The following OR56A3 variants were observed in gnomAD, a reference collection of about 807,000 sequenced individuals.
OR56A3 encodes olfactory receptor family 56 subfamily A member 3.
OR56A3 carries 23 observed loss-of-function variants against 17.5 expected under a neutral mutation model. That is an observed-to-expected ratio of 1.32 (90% CI 0.95 to 1.87). The LOEUF (loss-of-function observed/expected upper bound fraction) is 1.87, where lower values mean the gene tolerates loss of function less well. Among genes scored for constraint, OR56A3 ranks in the 40% most tolerant of loss-of-function variants. The pLI, the probability that OR56A3 is intolerant of heterozygous loss-of-function variation, is 0.00. For missense variants in OR56A3, 366 were observed against 380.1 expected (o/e 0.96, Z 0.31); for synonymous variants, 175 against 150.6 (o/e 1.16, Z -1.19).
chr11:5,995,661 A>G, the OR56A3 span, among the ~76,000 whole-genome samples: 14 of 152,344 alleles, frequency 9.2e-5, no homozygotes, highest in African/African-American at 3.4e-4. Context: ...GTTTTAAAGT[A>G]TATATACAAT....
chr11:5,968,431 T>G, the OR56A3 span: 2 of 1,598,178 alleles, frequency 1.3e-6, no homozygotes, highest in African/African-American at 1.3e-5. Flanking sequence ...CTCTGGAAAC[T>G]GGGGAAACAA....
the OR56A3 span, among the ~76,000 whole-genome samples, chr11:6,010,542 C>G: frequency 6.6e-6 from 1 of 152,272 alleles, no homozygotes; most frequent in South Asian, 2.1e-4. Flanking sequence ...TTAAAAGTGT[C>G]ATCTTAAAAG....
the OR56A3 span, among the ~76,000 whole-genome samples, chr11:5,975,311 C>T: frequency 6.6e-6 from 1 of 151,686 alleles, no homozygotes; most frequent in Non-Finnish European, 1.5e-5. Flanking sequence ...CACCCACTAA[C>T]TCATCATCTA....
the OR56A3 span, among the ~76,000 whole-genome samples, chr11:5,979,643 A>C: frequency 6.6e-6 from 1 of 151,930 alleles, no homozygotes. Context: ...TTTTTCTTTC[A>C]AAGAAAAACG....
rs779337483 is a variant in OR56A3 at position 5,950,025 on chromosome 11, G to C, written c.*1731G>C. The C allele has an allele frequency of 6.6e-6, 1 of 152,088 alleles. No homozygotes were observed. Among genetic ancestry groups the C allele is most frequent in the Non-Finnish European group, 1.5e-5 (1 of 68,008 alleles). 9.4% of individuals were successfully genotyped at this position (152,088 alleles called of 1,614,324 possible). ...CATTTCAACATAAGAAAAATGGCTT[G>C]ACTTGAAATGTGAATAACCGTATAC... On this transcript the variant is annotated 3_prime_UTR_variant, in exon 3 of 3. Transcript: ENST00000641160.
the OR56A3 span, among the ~76,000 whole-genome samples, chr11:5,969,959 G>C: frequency 6.6e-6 from 1 of 152,140 alleles, no homozygotes; most frequent in East Asian, 1.9e-4. Flanking sequence ...AGAAGAGAGG[G>C]TAGAATTCTA....
chr11:5,985,625 G>T, the OR56A3 span, among the ~76,000 whole-genome samples: 1 of 152,130 alleles, frequency 6.6e-6, no homozygotes, highest in Non-Finnish European at 1.5e-5. Flanking sequence ...CCTACCATTG[G>T]GCAAAGGCGA....
At chr11:5,943,685 A>G (rs1460372318) in intron 1 of OR56A3, among the ~76,000 whole-genome samples, 1 of 152,208 alleles carries the variant, frequency 6.6e-6, no homozygotes, top group Non-Finnish European at 1.5e-5. Context: ...GTACGCCAAT[A>G]AAGTTCAAGC....
At chr11:5,986,790 C>T in the OR56A3 span, 2 of 1,614,024 alleles carry the variant, frequency 1.2e-6, no homozygotes, top group Non-Finnish European at 1.7e-6. Context: ...TGCCCAGGGG[C>T]AGTGCAATCC....
At chr11:5,962,670 C>T in the OR56A3 span, among the ~76,000 whole-genome samples, 1 of 151,922 alleles carries the variant, frequency 6.6e-6, no homozygotes, top group African/African-American at 2.4e-5. Flanking sequence ...TCCCGAGTAG[C>T]TGGGACTACA....
rs767354807 is a variant in OR56A3 at position 5,944,896 on chromosome 11, G to A, written c.-223G>A. 8.5e-5 allele frequency: 13 copies of A among 152,194 alleles called. No homozygotes were observed. The highest frequency in any genetic ancestry group is 1.3e-4 in the Non-Finnish European group (9 of 68,036). 9.4% of individuals were successfully genotyped at this position (152,194 alleles called of 1,614,324 possible). On this transcript the variant is annotated 5_prime_UTR_variant, in exon 2 of 3. Transcript: ENST00000641160. ...ACTACATGGGGAATCAGAGGATCAA[G>A]AGGAGTGAAGAGAGGATCCCTGGAG...
chr11:5,966,545 C>T, the OR56A3 span, among the ~76,000 whole-genome samples: 37,690 of 151,938 alleles, frequency 0.25, 4,725 homozygotes, highest in Non-Finnish European at 0.26. Flanking sequence ...GTTACTTAAT[C>T]CCAGGAAATA....
chr11:5,985,569 A>G, the OR56A3 span, among the ~76,000 whole-genome samples: 2 of 152,140 alleles, frequency 1.3e-5, no homozygotes, highest in Non-Finnish European at 1.5e-5. Flanking sequence ...TAAACCTAAA[A>G]CCAACCAAAG....
chr11:5,960,683 C>T, the OR56A3 span, among the ~76,000 whole-genome samples: 22 of 152,222 alleles, frequency 1.4e-4, no homozygotes, highest in East Asian at 2.7e-3. Context: ...GCCGCCACCC[C>T]GTCTAGGAAG....
chr11:5,943,315 T>C (rs951170480), intron 1 of OR56A3: 5 of 152,198 alleles, frequency 3.3e-5, no homozygotes, highest in African/African-American at 9.6e-5. Context: ...ACAGAAAATA[T>C]ACTTTTTCCT....
chr11:5,994,336 T>C, the OR56A3 span: 1 of 679,770 alleles, frequency 1.5e-6, no homozygotes, highest in East Asian at 3.1e-5. Context: ...ACTGTGGTGC[T>C]CTCCTCAATC....
the OR56A3 span, among the ~76,000 whole-genome samples, chr11:5,983,758 G>A: frequency 1.4e-3 from 220 of 152,328 alleles, 1 homozygote; most frequent in African/African-American, 5.0e-3. Flanking sequence ...ATTGGGCAGA[G>A]ATCATTGGGA....
chr11:5,969,103 C>T, the OR56A3 span, among the ~76,000 whole-genome samples: 2 of 152,180 alleles, frequency 1.3e-5, no homozygotes, highest in African/African-American at 4.8e-5. Flanking sequence ...CTCCCTATCA[C>T]TCTGACATAT....
the OR56A3 span, among the ~76,000 whole-genome samples, chr11:5,975,273 T>C: frequency 6.6e-6 from 1 of 152,162 alleles, no homozygotes; most frequent in Non-Finnish European, 1.5e-5. Flanking sequence ...TTGTCACATA[T>C]GTATACATGT....
Sources: allele counts gnomAD v4.1 joint callset (sites outside exome capture counted in the v4.1 genomes callset), GRCh38; gene constraint gnomAD v4.1.1; transcripts MANE v1.5; gene names NCBI Gene and HGNC (gene_info 2026-07-23, HGNC 2026-07-21).